Variants in PUM1 observed in about 807,000 individuals in gnomAD.
PUM1 encodes pumilio homolog 1.
A neutral mutation model predicts 131.8 loss-of-function variants in PUM1; 13 were observed. The ratio of observed to expected loss-of-function variants is 0.10; its 90% CI spans 0.06 to 0.16. The LOEUF is 0.16. Among genes scored for constraint, PUM1 ranks in the 10% least tolerant of loss-of-function variants. The pLI, the probability that PUM1 is intolerant of heterozygous loss-of-function variation, is 1.00. For synonymous variants in PUM1, 509 were observed against 556.5 expected (o/e 0.91, Z 1.20); for missense variants, 961 against 1,512.4 (o/e 0.64, Z 6.05).
At chr1:31,043,782 G>GA (rs1643893773) in intron 2 of PUM1, among the ~76,000 whole-genome samples, 1 of 152,132 alleles carries the variant, frequency 6.6e-6, no homozygotes, top group African/African-American at 2.4e-5. Context: ...AGAGAGAAAA[G>GA]AAAGTAGTCA....
intron 5 of PUM1, among the ~76,000 whole-genome samples, chr1:31,002,754 T>C (rs1557580364): frequency 6.6e-6 from 1 of 152,236 alleles, no homozygotes; most frequent in Non-Finnish European, 1.5e-5. Flanking sequence ...GATTCCTATG[T>C]GGAATACTAC....
At chr1:31,016,942 G>GT (rs767826795) in intron 3 of PUM1, among the ~76,000 whole-genome samples, 9 of 152,122 alleles carry the variant, frequency 5.9e-5, no homozygotes, top group Admixed American at 2.0e-4. Flanking sequence ...GTTGATACCT[G>GT]TATCTAATGC....
intron 3 of PUM1, among the ~76,000 whole-genome samples, chr1:31,011,860 A>G (rs1173479903): frequency 1.3e-5 from 2 of 152,344 alleles, no homozygotes; most frequent in East Asian, 3.8e-4. Flanking sequence ...ATAACTTAGC[A>G]GTAAGAGGAT....
At chr1:31,039,169 T>TAA (rs1224262768) in intron 2 of PUM1, among the ~76,000 whole-genome samples, 2 of 148,314 alleles carry the variant, frequency 1.3e-5, no homozygotes. Flanking sequence ...GCTGACTTTT[T>TAA]AATTTTTTTA....
chr1:30,937,414 G>A (rs1488678478), intron 20 of PUM1, among the ~76,000 whole-genome samples: 1 of 152,088 alleles, frequency 6.6e-6, no homozygotes, highest in African/African-American at 2.4e-5. Context: ...GTTGAGGCAG[G>A]AGAATTGCTT....
intron 19 of PUM1, 53 bp downstream of exon 19, chr1:30,941,945 G>GC: frequency 6.9e-7 from 1 of 1,456,356 alleles, no homozygotes; most frequent in Non-Finnish European, 9.3e-7. Flanking sequence ...ACAAACTCTG[G>GC]CCCTGCACAA....
At chr1:31,026,945 A>AC (rs1491099678) in intron 3 of PUM1, among the ~76,000 whole-genome samples, 1 of 41,966 alleles carries the variant, frequency 2.4e-5, no homozygotes, top group African/African-American at 1.7e-4. Context: ...CATATACCAC[A>AC]AAAAAAAAAA....
chr1:31,020,473 G>A (rs866583797), intron 3 of PUM1, among the ~76,000 whole-genome samples: 5 of 152,104 alleles, frequency 3.3e-5, no homozygotes, highest in African/African-American at 1.2e-4. Flanking sequence ...ACATATTACA[G>A]TACTTGTGAG....
chr1:30,981,426 C>A (rs753728193), intron 7 of PUM1, 21 bp from the exon 8 acceptor site: 2 of 1,509,316 alleles, frequency 1.3e-6, no homozygotes, highest in Non-Finnish European at 1.8e-6. Flanking sequence ...AGGAAAAACA[C>A]GGTGTGGTTA....
Position 31,040,320 on chromosome 1 carries a change from A to G in PUM1, c.364-11456T>C, listed in dbSNP as rs60303342. Among the ~76,000 whole-genome samples the G allele has an allele frequency of 2.0e-5, 3 of 152,352 alleles. No homozygotes were observed. In the East Asian group the frequency reaches 5.8e-4, roughly 29 times the overall value. ...AAGATAAAGCTTCAATGAGATGTGT[A>G]TGACATACAATAGTGGCATCAAAGG... On this transcript the variant is annotated intron_variant, in intron 2 of 21. Transcript: ENST00000426105.
intron 2 of PUM1, among the ~76,000 whole-genome samples, chr1:31,038,590 G>T (rs1643694067): frequency 6.6e-6 from 1 of 152,134 alleles, no homozygotes; most frequent in East Asian, 1.9e-4. Context: ...TTTGTAATGT[G>T]AGAAACTGCC....
At chr1:31,052,036 G>A (rs1029818698) in intron 2 of PUM1, among the ~76,000 whole-genome samples, 4 of 151,794 alleles carry the variant, frequency 2.6e-5, no homozygotes, top group African/African-American at 4.8e-5. Context: ...CTTTGGAGAC[G>A]GAGTCTTGCT....
intron 2 of PUM1, among the ~76,000 whole-genome samples, chr1:31,057,144 T>C (rs947073319): frequency 6.6e-6 from 1 of 152,204 alleles, no homozygotes; most frequent in Non-Finnish European, 1.5e-5. Context: ...TAGCTCACAC[T>C]TGCAATCCCA....
intron 21 of PUM1, among the ~76,000 whole-genome samples, chr1:30,934,086 C>T (rs1328335727): frequency 2.0e-5 from 3 of 152,192 alleles, no homozygotes; most frequent in Admixed American, 6.5e-5. Flanking sequence ...TCAGGCTCTC[C>T]GACCTATGCT....
Position 30,936,911 on chromosome 1 carries a change from G to T in PUM1, c.3243-76C>A, listed in dbSNP as rs570305938. The stretch of plus-strand genomic sequence containing the variant: ...GTGAGGCTGTGCTTGCCTAGCTTCT[G>T]CCCTGACCTCCGGACCAGCAGGGAG... On this transcript the variant is annotated intron_variant, in intron 20 of 21. Transcript: ENST00000426105. The T allele has an allele frequency of 1.1e-4, 140 of 1,300,164 alleles. No individual in the cohort carries two copies. The Middle Eastern group carries it at 2.1e-3, about 19-fold the overall frequency. The allele number at this position is 1,300,164 out of a possible 1,614,324, so 80.5% of individuals were successfully genotyped here. A position where few individuals can be genotyped will look rare whatever the true frequency, so the allele number is the denominator to read the frequency against.
chr1:31,038,910 A>G (rs893862912), intron 2 of PUM1, among the ~76,000 whole-genome samples: 2 of 144,288 alleles, frequency 1.4e-5, no homozygotes, highest in African/African-American at 2.6e-5. Context: ...TAATTATTAA[A>G]GCATATACTT....
chr1:30,967,106 A>C, intron 12 of PUM1, 61 bp downstream of exon 12: 1 of 1,589,780 alleles, frequency 6.3e-7, no homozygotes, highest in Non-Finnish European at 8.6e-7. Context: ...TACTTTAAGA[A>C]TCTCACTATC....
Position 30,960,867 on chromosome 1 carries a change from C to T in PUM1, c.2323+3807G>A, listed in dbSNP as rs80176694. On this transcript the variant is annotated intron_variant, in intron 14 of 21. Coordinates refer to ENST00000426105, the MANE Select transcript of PUM1 (RefSeq NM_001020658.2). ...TTAGAGCAAAACATGAGAAAATATT[C>T]CCCCAAGAGTTTGAGTTAGGCAAAG... is the stretch of plus-strand genomic sequence containing the variant. Among the ~76,000 whole-genome samples, 805 of 152,012 alleles carry T rather than the reference C, an allele frequency of 5.3e-3. 7 individuals are homozygous for T. The highest frequency in any genetic ancestry group is 0.019 in the African/African-American group (771 of 41,476).
At chr1:30,938,689 C>T (rs1052830192) in intron 20 of PUM1, among the ~76,000 whole-genome samples, 1 of 152,044 alleles carries the variant, frequency 6.6e-6, no homozygotes, top group African/African-American at 2.4e-5. Flanking sequence ...ATGGTGAAAC[C>T]CTGTCTCTAC....
Sources: gnomAD v4.1 joint callset for allele counts (sites outside exome capture counted in the v4.1 genomes callset) on GRCh38, gnomAD v4.1.1 for gene constraint, MANE v1.5 for transcripts, NCBI Gene and HGNC (gene_info 2026-07-23, HGNC 2026-07-21) for gene names.